The following SPON1 variants were observed in gnomAD, a reference collection of about 807,000 sequenced individuals.
SPON1 encodes spondin-1.
Under a neutral mutation model 111.7 loss-of-function variants are expected in SPON1, and 52 were observed. The ratio of observed to expected loss-of-function variants is 0.47; its 90% CI spans 0.37 to 0.59. SPON1 has a LOEUF of 0.59. Ranked by LOEUF, SPON1 falls within the 20% of genes least tolerant of loss-of-function variation. The probability of loss-of-function intolerance (pLI) is 0.00; values close to 1 mark genes in which losing one functional copy is unlikely to be tolerated. For missense variants in SPON1, 957 were observed against 1,068.5 expected, an observed-to-expected ratio of 0.90 and a Z score of 1.46; for synonymous variants, 410 against 395.8, an observed-to-expected ratio of 1.04 and a Z score of -0.43.
intron 3 of SPON1, among the ~76,000 whole-genome samples, chr11:14,052,459 C>A (rs183314732): frequency 6.6e-6 from 1 of 152,282 alleles, no homozygotes; most frequent in East Asian, 1.9e-4. Flanking sequence ...ACTACAGGCT[C>A]CTTTGTTGTA....
At chr11:14,137,457 C>G (rs1462944468) in intron 6 of SPON1, among the ~76,000 whole-genome samples, 2 of 152,162 alleles carry the variant, frequency 1.3e-5, no homozygotes, top group Non-Finnish European at 2.9e-5. Context: ...TATCTCAGTG[C>G]CTGTCACCAC....
chr11:14,112,877 C>T (rs922485442), intron 5 of SPON1, among the ~76,000 whole-genome samples: 2 of 152,180 alleles, frequency 1.3e-5, no homozygotes, highest in African/African-American at 4.8e-5. Flanking sequence ...TGCTGCCAGA[C>T]CTGCCTGATG....
intron 6 of SPON1, among the ~76,000 whole-genome samples, chr11:14,187,579 A>C (rs1187073800): frequency 1.3e-5 from 2 of 152,124 alleles, no homozygotes; most frequent in African/African-American, 2.4e-5. Context: ...TCAGTGCAGC[A>C]GTTAGTTTGG....
chr11:14,019,390 A>C (rs1269747234), intron 2 of SPON1, among the ~76,000 whole-genome samples: 1 of 150,018 alleles, frequency 6.7e-6, no homozygotes, highest in Non-Finnish European at 1.5e-5. Context: ...AATGTGTATA[A>C]TTATATAAAT....
In SPON1 at chr11:14,169,091, C is replaced by T. The variant is rs186405934; in HGVS notation, c.825+33523C>T. 2.0e-3 allele frequency among the ~76,000 whole-genome samples: 304 copies of T among 152,280 alleles called. 2 individuals carry two copies. Among genetic ancestry groups the T allele is most frequent in the African/African-American group, 6.3e-3 (263 of 41,562 alleles). ...GGAATCACCACACTGACTTCCACAA[C>T]GGTTGAACTAGTTTACATTCTCACC... On this transcript the variant is annotated intron_variant, in intron 6 of 15. Transcript: ENST00000576479.
intron 6 of SPON1, among the ~76,000 whole-genome samples, chr11:14,178,998 G>A (rs1415123258): frequency 2.0e-5 from 3 of 152,192 alleles, no homozygotes; most frequent in African/African-American, 7.2e-5. Context: ...ACATCTACAA[G>A]AGTGCAGCAC....
intron 6 of SPON1, among the ~76,000 whole-genome samples, chr11:14,167,649 A>G (rs1554931977): frequency 1.3e-5 from 2 of 152,144 alleles, no homozygotes; most frequent in African/African-American, 4.8e-5. Context: ...TCCAGTTTTA[A>G]TTAATTTGGC....
chr11:14,040,925 C>T (rs568102366), intron 2 of SPON1, among the ~76,000 whole-genome samples: 1 of 152,180 alleles, frequency 6.6e-6, no homozygotes, highest in Admixed American at 6.5e-5. Context: ...AGAGATGGAA[C>T]ATCCTTGGGG....
At chr11:14,066,008 G>A (rs900177844) in intron 3 of SPON1, among the ~76,000 whole-genome samples, 7 of 152,098 alleles carry the variant, frequency 4.6e-5, no homozygotes, top group South Asian at 2.1e-4. Flanking sequence ...GGAGGTCACC[G>A]AATAGCAAGT....
chr11:14,062,989 T>C (rs1278665114), intron 3 of SPON1, among the ~76,000 whole-genome samples: 3 of 151,896 alleles, frequency 2.0e-5, no homozygotes, highest in African/African-American at 7.3e-5. Flanking sequence ...AGATAGAGAC[T>C]TCCCCCTCCT....
chr11:13,968,592 T>C (rs1345898145), intron 1 of SPON1, among the ~76,000 whole-genome samples: 1 of 152,258 alleles, frequency 6.6e-6, no homozygotes, highest in Non-Finnish European at 1.5e-5. Flanking sequence ...TGTTAATGGA[T>C]ACCTGGTAAC....
At chr11:14,157,134 C>A (rs1847857417) in intron 6 of SPON1, among the ~76,000 whole-genome samples, 1 of 152,096 alleles carries the variant, frequency 6.6e-6, no homozygotes, top group East Asian at 1.9e-4. Flanking sequence ...TTTGGCTTTA[C>A]CCATATATTT....
rs1371477201 is a variant in SPON1, at chr11:14,135,768, G to A, written c.825+200G>A. On this transcript the variant is annotated intron_variant, in intron 6 of 15. Transcript: ENST00000576479. This position sits in a 1 kb window ranked among gnomAD's most constrained non-coding sequence, Gnocchi z 4.4. Reference sequence around the variant, plus strand: ...TTGTTGTCTCAGATTGTCCCTGACTGCATTCATGTTTTCTTCAGCCTGTGC... The same window carrying A: ...TTGTTGTCTCAGATTGTCCCTGACTACATTCATGTTTTCTTCAGCCTGTGC... Among the ~76,000 whole-genome samples the A allele has an allele frequency of 6.6e-6, 1 of 152,186 alleles. No individual in the cohort carries two copies. The highest frequency in any genetic ancestry group is 1.5e-5 in the Non-Finnish European group (1 of 68,020).
chr11:14,008,293 C>A (rs782452913), intron 2 of SPON1, among the ~76,000 whole-genome samples: 4 of 152,090 alleles, frequency 2.6e-5, no homozygotes, highest in Non-Finnish European at 5.9e-5. Flanking sequence ...ATGCTGGAAC[C>A]AACCCCCGAC....
intron 3 of SPON1, among the ~76,000 whole-genome samples, chr11:14,057,066 A>G (rs1329079187): frequency 6.6e-5 from 10 of 152,254 alleles, no homozygotes; most frequent in South Asian, 2.1e-4. Flanking sequence ...CACATATACC[A>G]GTTAAACAAG....
chr11:14,204,406 C>T (rs1019193855), intron 6 of SPON1, among the ~76,000 whole-genome samples: 6 of 152,026 alleles, frequency 3.9e-5, no homozygotes, highest in Non-Finnish European at 7.4e-5. Flanking sequence ...CTCAGCCTCC[C>T]AAGTAGCTAT....
intron 6 of SPON1, among the ~76,000 whole-genome samples, chr11:14,175,604 C>T (rs781852084): frequency 5.3e-5 from 8 of 152,238 alleles, no homozygotes; most frequent in Non-Finnish European, 1.0e-4. Context: ...TTCTATTAAT[C>T]AAACCCTTGC....
chr11:14,202,615 C>T (rs1554935759), intron 6 of SPON1, among the ~76,000 whole-genome samples: 1 of 152,230 alleles, frequency 6.6e-6, no homozygotes, highest in Non-Finnish European at 1.5e-5. Context: ...CTCAGCTAAC[C>T]TGTTCGTCCC....
At chr11:14,230,155 G>A (rs56952650) in intron 6 of SPON1, among the ~76,000 whole-genome samples, 2,996 of 152,136 alleles carry the variant, frequency 0.02, 95 homozygotes, top group African/African-American at 0.069. Flanking sequence ...TTAAATAGCC[G>A]CATTTAAGAA....
Sources: gnomAD v4.1 joint callset for allele counts (sites outside exome capture counted in the v4.1 genomes callset) on GRCh38, gnomAD v4.1.1 for gene constraint, Gnocchi (gnomAD v3.1) non-coding constraint, MANE v1.5 for transcripts, NCBI Gene and HGNC (gene_info 2026-07-23, HGNC 2026-07-21) for gene names.